HDAC9: variants seen among roughly 807,000 people sequenced by gnomAD.
HDAC9 encodes the protein MEF-2 interacting transcription repressor (MITR) protein.
Under a neutral mutation model 139.4 loss-of-function variants are expected in HDAC9, and 41 were observed. That is an observed-to-expected ratio of 0.29 (90% confidence interval 0.23 to 0.38). The LOEUF (loss-of-function observed/expected upper bound fraction) is 0.38, where lower values mean the gene tolerates loss of function less well. HDAC9 is among the 10% of genes least tolerant of loss of function. The pLI is 1.00. For missense variants in HDAC9, 1,147 were observed against 1,297.0 expected (o/e 0.88, Z 1.78); for synonymous variants, 517 against 476.2 (o/e 1.09, Z -1.12).
At chr7:18,274,182 T>A (rs956321308) in intron 2 of HDAC9, among the ~76,000 whole-genome samples, 1 of 152,230 alleles carries the variant, frequency 6.6e-6, no homozygotes, top group African/African-American at 2.4e-5. Flanking sequence ...GAATAGCCAT[T>A]CTATTAGTTC....
intron 17 of HDAC9, among the ~76,000 whole-genome samples, chr7:18,799,352 G>T (rs928726840): frequency 5.3e-5 from 8 of 152,150 alleles, no homozygotes; most frequent in African/African-American, 1.4e-4. Flanking sequence ...AAAATGTCCA[G>T]TTTTCCACAG....
chr7:18,571,625 T>TTTA (rs1221412921), intron 2 of HDAC9, among the ~76,000 whole-genome samples: 17 of 151,772 alleles, frequency 1.1e-4, no homozygotes, highest in African/African-American at 3.1e-4. Flanking sequence ...TATTTTTTAT[T>TTTA]TTTTATTTTT....
intron 12 of HDAC9, among the ~76,000 whole-genome samples, chr7:18,721,534 T>C (rs1785144841): frequency 6.6e-6 from 1 of 152,194 alleles, no homozygotes; most frequent in African/African-American, 2.4e-5. Flanking sequence ...TCTATGAGTG[T>C]CTCTTGCTCT....
At chr7:18,198,912 C>T (rs964546630) in intron 2 of HDAC9, among the ~76,000 whole-genome samples, 6 of 151,998 alleles carry the variant, frequency 3.9e-5, no homozygotes, top group African/African-American at 1.4e-4. Context: ...CAGGATCATG[C>T]GTTGTTTTAG....
At chr7:18,479,081 C>T (rs1460795768) in intron 1 of HDAC9, among the ~76,000 whole-genome samples, 1 of 151,748 alleles carries the variant, frequency 6.6e-6, no homozygotes, top group Non-Finnish European at 1.5e-5. Flanking sequence ...AATACATTTC[C>T]CTTTTTAAAA....
rs138423279 is a variant in HDAC9 at position 18,402,958 on chromosome 7, C to A, written c.-41-93304C>A. Among the ~76,000 whole-genome samples, 368 of 152,262 alleles carry A rather than the reference C, an allele frequency of 2.4e-3. 2 individuals carry two copies. Among genetic ancestry groups the A allele is most frequent in the Admixed American group, 4.6e-3 (71 of 15,302 alleles). On this transcript the variant is annotated intron_variant, in intron 1 of 3. Coordinates refer to the HDAC9 transcript ENST00000413509. ...AAACGCTGGCTGTGGCTTAAGCAAA[C>A]GCAATCACAGAATTGCCTAGCTGTG...
At chr7:18,203,450 A>G (rs1018582002) in intron 2 of HDAC9, among the ~76,000 whole-genome samples, 7 of 152,212 alleles carry the variant, frequency 4.6e-5, no homozygotes, top group Non-Finnish European at 8.8e-5. Flanking sequence ...CTTAAGAAGC[A>G]TAAAATGGTT....
chr7:18,209,230 C>G (rs745905908), intron 2 of HDAC9, among the ~76,000 whole-genome samples: 3 of 152,078 alleles, frequency 2.0e-5, no homozygotes, highest in Non-Finnish European at 2.9e-5. Context: ...AGTCACTATG[C>G]CAAGAGATTT....
At chr7:18,960,589 C>T (rs1255267177) in intron 24 of HDAC9, among the ~76,000 whole-genome samples, 2 of 151,934 alleles carry the variant, frequency 1.3e-5, no homozygotes, top group Non-Finnish European at 2.9e-5. Context: ...ACTAAATAAA[C>T]ACTGTCAATG....
At chr7:18,988,103 A>G in intron 25 of HDAC9, among the ~76,000 whole-genome samples, 1 of 152,034 alleles carries the variant, frequency 6.6e-6, no homozygotes, top group African/African-American at 2.4e-5. Flanking sequence ...GCCTTCTGCT[A>G]GCTTTTGAAT....
In HDAC9 at chr7:18,742,655, A is replaced by AT. The variant is rs374410884; in HGVS notation, c.1910-6340dup. On this transcript the variant is annotated intron_variant, in intron 13 of 25. Coordinates refer to ENST00000686413, the MANE Select transcript of HDAC9 (RefSeq NM_178425.4). ...AGCAATTACAACTTTTTATTTGGTTATTTTTTTTTTCTGACCACTGTATTT... is the reference window on the plus strand; with the variant it reads ...AGCAATTACAACTTTTTATTTGGTTATTTTTTTTTTTCTGACCACTGTATTT... Among the ~76,000 whole-genome samples, 248 of 148,028 alleles carry AT rather than the reference A, an allele frequency of 1.7e-3. 2 individuals are homozygous for AT. In the East Asian group the frequency reaches 0.038, roughly 23 times the overall value.
At chr7:18,785,358 G>A (rs146232829) in intron 16 of HDAC9, among the ~76,000 whole-genome samples, 70 of 151,844 alleles carry the variant, frequency 4.6e-4, no homozygotes, top group East Asian at 1.4e-3. Flanking sequence ...CGTAGGATGC[G>A]TAGTGGCATT....
chr7:18,298,642 A>G (rs1798311766), intron 1 of HDAC9, among the ~76,000 whole-genome samples: 1 of 152,192 alleles, frequency 6.6e-6, no homozygotes, highest in Non-Finnish European at 1.5e-5. Flanking sequence ...GATAATTTTC[A>G]AAAGTTTTTA....
At chr7:18,676,477 T>G (rs183106244) in intron 12 of HDAC9, among the ~76,000 whole-genome samples, 3 of 152,142 alleles carry the variant, frequency 2.0e-5, no homozygotes, top group Admixed American at 1.3e-4. Flanking sequence ...CTCTATTACC[T>G]TCTTTTAACA....
At chr7:18,572,286 G>T (rs547606484) in intron 2 of HDAC9, among the ~76,000 whole-genome samples, 4 of 144,900 alleles carry the variant, frequency 2.8e-5, no homozygotes, top group African/African-American at 1.0e-4. Context: ...AGTCAAATTT[G>T]AAATTTGACT....
chr7:18,778,521 A>C (rs887758357), intron 16 of HDAC9, among the ~76,000 whole-genome samples: 4 of 152,042 alleles, frequency 2.6e-5, no homozygotes, highest in African/African-American at 9.7e-5. Context: ...CCCTTTACAC[A>C]GTGTGGACAT....
intron 2 of HDAC9, among the ~76,000 whole-genome samples, chr7:18,189,276 AAGCAGGAG>A (rs1790152646): frequency 6.6e-6 from 1 of 151,934 alleles, no homozygotes; most frequent in Non-Finnish European, 1.5e-5. Flanking sequence ...TCTCACTCGT[AAGCAGGAG>A]TTGAACATTG....
intron 1 of HDAC9, among the ~76,000 whole-genome samples, chr7:18,437,017 G>A (rs984971192): frequency 6.6e-6 from 1 of 152,162 alleles, no homozygotes; most frequent in Non-Finnish European, 1.5e-5. Context: ...GGGACTGGGA[G>A]TTTTATATAC....
chr7:18,985,395 G>T (rs903638336), intron 25 of HDAC9, among the ~76,000 whole-genome samples: 1 of 152,196 alleles, frequency 6.6e-6, no homozygotes, highest in South Asian at 2.1e-4. Flanking sequence ...CAAAGGACAT[G>T]AACTCATCAT....
Sources: allele counts gnomAD v4.1 joint callset (sites outside exome capture counted in the v4.1 genomes callset), GRCh38; gene constraint gnomAD v4.1.1; transcripts MANE v1.5; gene names NCBI Gene and HGNC (gene_info 2026-07-23, HGNC 2026-07-21).